The following PAK2 variants were observed in gnomAD, a reference collection of about 807,000 sequenced individuals.
PAK2 encodes the protein serine/threonine-protein kinase PAK 2.
Under a neutral mutation model 65.9 loss-of-function variants are expected in PAK2, and 21 were observed. That is an observed-to-expected ratio of 0.32 (90% CI 0.23 to 0.46). The LOEUF is 0.46. Among genes scored for constraint, PAK2 ranks in the 20% least tolerant of loss-of-function variants. The probability of loss-of-function intolerance (pLI) is 1.00; values close to 1 mark genes in which losing one functional copy is unlikely to be tolerated. For missense variants in PAK2, 324 were observed against 642.6 expected (o/e 0.50, Z 5.36); for synonymous variants, 204 against 219.7 (o/e 0.93, Z 0.63).
At chr3:196,815,136 C>G (rs188624989) in intron 11 of PAK2, among the ~76,000 whole-genome samples, 1 of 151,738 alleles carries the variant, frequency 6.6e-6, no homozygotes, top group African/African-American at 2.4e-5. Context: ...GCCGAGATCA[C>G]ACCACTGCAC....
rs1276300907 is a variant in PAK2, at chr3:196,791,298, GT to G, written c.187+8466del. On this transcript the variant is annotated intron_variant, in intron 2 of 14. Transcript: ENST00000327134. This position sits in a 1 kb window ranked among gnomAD's most constrained non-coding sequence, Gnocchi z 4.0. The stretch of plus-strand genomic sequence containing the variant: ...GACTATTAAAATACAGAGAGTACCT[GT>G]ATGTGTGTTATGTAAAAACAAATGG... Among the ~76,000 whole-genome samples, 1 of 152,104 alleles carries G rather than the reference GT, an allele frequency of 6.6e-6. No homozygotes were observed. Among genetic ancestry groups the G allele is most frequent in the African/African-American group, 2.4e-5 (1 of 41,434 alleles).
In PAK2 at chr3:196,820,268, G is replaced by A. The variant is rs1711605611; in HGVS notation, c.1154-103G>A. On this transcript the variant is annotated intron_variant, in intron 12 of 14. Transcript: ENST00000327134. The surrounding 1 kb of genome is among the most constrained non-coding windows in gnomAD (Gnocchi z 4.6). Reference sequence around the variant, plus strand: ...TTATTAATGAAATCTTTAAAAACAAGAGGCCTAATAGTCAAAATATAATTA... The same window carrying A: ...TTATTAATGAAATCTTTAAAAACAAAAGGCCTAATAGTCAAAATATAATTA... 1 of 517,238 alleles carries A rather than the reference G, an allele frequency of 1.9e-6. No individual in the cohort carries two copies. 32.0% of individuals were successfully genotyped at this position (517,238 alleles called of 1,614,324 possible).
At chr3:196,754,637 C>T (rs1713710787) in intron 1 of PAK2, among the ~76,000 whole-genome samples, 1 of 152,080 alleles carries the variant, frequency 6.6e-6, no homozygotes, top group South Asian at 2.1e-4. Context: ...GATCTTACAC[C>T]CACAACATAA....
intron 13 of PAK2, among the ~76,000 whole-genome samples, chr3:196,825,388 A>G (rs1329760948): frequency 2.0e-5 from 3 of 151,138 alleles, no homozygotes; most frequent in South Asian, 2.1e-4. Context: ...TCACACCTGT[A>G]ATCCCAGCAC....
chr3:196,748,513 C>G lies in PAK2; in HGVS notation c.-22+8356C>G, dbSNP rs150858621. On this transcript the variant is annotated intron_variant, in intron 1 of 14. Transcript: ENST00000327134. ...CACTTTTACTGCAACCCCTGGCAAC[C>G]GCTGATCCTTTTACTACCTCCATCG... Among the ~76,000 whole-genome samples, 530 of 152,286 alleles carry G rather than the reference C, an allele frequency of 3.5e-3. 2 individuals are homozygous for G. The highest frequency in any genetic ancestry group is 0.012 in the African/African-American group (508 of 41,546).
At chr3:196,774,301 G>T (rs535677967) in intron 1 of PAK2, among the ~76,000 whole-genome samples, 43 of 152,276 alleles carry the variant, frequency 2.8e-4, no homozygotes, top group African/African-American at 9.9e-4. Flanking sequence ...AGATTTATGT[G>T]CCTTTAGGCT....
intron 2 of PAK2, among the ~76,000 whole-genome samples, chr3:196,797,619 G>T (rs1041837178): frequency 4.6e-5 from 7 of 151,942 alleles, no homozygotes; most frequent in Admixed American, 3.9e-4. Flanking sequence ...AGGCGTGGTC[G>T]TGGGCACCTG....
At chr3:196,783,039 A>G (rs1714761931) in intron 2 of PAK2, among the ~76,000 whole-genome samples, 1 of 152,172 alleles carries the variant, frequency 6.6e-6, no homozygotes, top group African/African-American at 2.4e-5. Flanking sequence ...CCTGCTTGTT[A>G]TGGCCAATGA....
At chr3:196,802,420 A>G (rs1221950167) in intron 3 of PAK2, among the ~76,000 whole-genome samples, 1 of 152,090 alleles carries the variant, frequency 6.6e-6, no homozygotes, top group Non-Finnish European at 1.5e-5. Context: ...GGAAATTAAC[A>G]TTTCTATCTA....
Position 196,759,826 on chromosome 3 carries a change from G to C in PAK2, c.-22+19669G>C, listed in dbSNP as rs181198039. 4.6e-5 allele frequency among the ~76,000 whole-genome samples: 7 copies of C among 152,102 alleles called. No homozygotes were observed. In the East Asian group the frequency reaches 1.4e-3, roughly 29 times the overall value. Reference sequence around the variant, plus strand: ...AGGCGTGAGTCACTGTGCCCAGCCAGTTAAGTGGGTTTTTTAAGTGTGCTC... The same window carrying C: ...AGGCGTGAGTCACTGTGCCCAGCCACTTAAGTGGGTTTTTTAAGTGTGCTC... On this transcript the variant is annotated intron_variant, in intron 1 of 14. Transcript: ENST00000327134.
Position 196,814,462 on chromosome 3 carries a change from G to T in PAK2, c.947G>T (p.Gly316Val). ...IVNFLDSYLVGDELFVVMEYL... is the reference protein window; with the variant it reads ...IVNFLDSYLVVDELFVVMEYL... Reference sequence around the variant, plus strand: ...TGTTGTATTTTTAGTTACCTGGTAGGAGATGAATTGTTTGTGGTCATGGAA... The same window carrying T: ...TGTTGTATTTTTAGTTACCTGGTAGTAGATGAATTGTTTGTGGTCATGGAA... Residue 316 changes from glycine to valine, a missense_variant, in exon 11 of 15, where the codon GGA becomes GTA. Around this residue, in one of 5 missense-constraint regions of PAK2, gnomAD observed 183 missense variants for 246.2 expected, o/e 0.74. Transcript: ENST00000327134. 1 of 1,340,286 alleles carries T rather than the reference G, an allele frequency of 7.5e-7. No homozygotes were observed. Among genetic ancestry groups the T allele is most frequent in the Non-Finnish European group, 1.1e-6 (1 of 944,162 alleles). 83.0% of individuals were successfully genotyped at this position (1,340,286 alleles called of 1,614,324 possible).
At chr3:196,821,406 TAATA>T (rs1711647184) in intron 13 of PAK2, among the ~76,000 whole-genome samples, 1 of 152,028 alleles carries the variant, frequency 6.6e-6, no homozygotes, top group Non-Finnish European at 1.5e-5. Flanking sequence ...AAAAGACAAT[TAATA>T]AATATTGGTG....
At chr3:196,771,285 T>C (rs1344650880) in intron 1 of PAK2, among the ~76,000 whole-genome samples, 1 of 152,108 alleles carries the variant, frequency 6.6e-6, no homozygotes, top group African/African-American at 2.4e-5. Context: ...TTACTGCTTC[T>C]GTGAAATTTG....
intron 1 of PAK2, among the ~76,000 whole-genome samples, chr3:196,780,272 A>T (rs1339172820): frequency 1.3e-5 from 2 of 152,076 alleles, no homozygotes; most frequent in African/African-American, 4.8e-5. Context: ...CCCCTCTCTT[A>T]GTCTGTTTTC....
chr3:196,752,983 A>T (rs1054317640), intron 1 of PAK2, among the ~76,000 whole-genome samples: 12 of 147,144 alleles, frequency 8.2e-5, no homozygotes, highest in African/African-American at 2.2e-4. Context: ...GAGAAAAAAA[A>T]ATTTTTTTTT....
At chr3:196,821,826 G>A (rs542214154) in intron 13 of PAK2, among the ~76,000 whole-genome samples, 12 of 152,274 alleles carry the variant, frequency 7.9e-5, no homozygotes, top group East Asian at 1.9e-4. Flanking sequence ...ATGACCTAGC[G>A]GTTCCTCTGC....
intron 1 of PAK2, among the ~76,000 whole-genome samples, chr3:196,764,841 C>CTTTTTTTTTTTTTT (rs57199433): frequency 1.9e-5 from 2 of 107,640 alleles, no homozygotes; most frequent in Non-Finnish European, 3.7e-5. Context: ...TCTTTTCTTT[C>CTTTTTTTTTTTTTT]TTTTTTTTTT....
chr3:196,796,629 A>C (rs1715268411), intron 2 of PAK2, among the ~76,000 whole-genome samples: 1 of 152,224 alleles, frequency 6.6e-6, no homozygotes, highest in Non-Finnish European at 1.5e-5. Flanking sequence ...GATAAAAGGG[A>C]ATCTCAAAAT....
At position 196,741,309 on chromosome 3, in the gene PAK2, CAGTAA is replaced by C. The variant is rs1577688978; in HGVS notation, c.-22+1156_-22+1160del. Among the ~76,000 whole-genome samples the C allele has an allele frequency of 3.3e-5, 5 of 152,176 alleles. No individual in the cohort carries two copies. In the East Asian group the frequency reaches 9.6e-4, roughly 29 times the overall value. Reference sequence around the variant, plus strand: ...TAGGGTTGTCCAATAGAATAACACTCAGTAAAGTTACATTGGGATGAAGGCAGTGA... The same window carrying C: ...TAGGGTTGTCCAATAGAATAACACTCAGTTACATTGGGATGAAGGCAGTGA... On this transcript the variant is annotated intron_variant, in intron 1 of 14. Transcript: ENST00000327134.
Sources: allele counts gnomAD v4.1 joint callset (sites outside exome capture counted in the v4.1 genomes callset), GRCh38; gene constraint gnomAD v4.1.1; regional missense constraint gnomAD v4.1.1; non-coding constraint Gnocchi (gnomAD v3.1); transcripts MANE v1.5; gene names NCBI Gene and HGNC (gene_info 2026-07-23, HGNC 2026-07-21).